Variants in ATF7IP observed in about 807,000 individuals in gnomAD.
ATF7IP encodes the protein activating transcription factor 7-interacting protein 1.
In ATF7IP, 23 loss-of-function variants were observed where a neutral mutation model predicts 106.4. That is an observed-to-expected ratio of 0.22 (90% CI 0.16 to 0.31). The LOEUF is 0.31. Among genes scored for constraint, ATF7IP ranks in the 10% least tolerant of loss-of-function variants. The pLI, the probability that ATF7IP is intolerant of heterozygous loss-of-function variation, is 1.00. For synonymous variants in ATF7IP, 542 were observed against 539.0 expected, an observed-to-expected ratio of 1.01 and a Z score of -0.08; for missense variants, 1,334 against 1,524.3, an observed-to-expected ratio of 0.88 and a Z score of 2.08.
chr12:14,391,635 T>C (rs1022521778), intron 1 of ATF7IP, among the ~76,000 whole-genome samples: 1 of 152,206 alleles, frequency 6.6e-6, no homozygotes, highest in Non-Finnish European at 1.5e-5. Flanking sequence ...TCATTAGTTA[T>C]AGGTTATATG....
Position 14,424,282 on chromosome 12 carries a change from T to G in ATF7IP, c.367T>G (p.Ser123Ala). 1.2e-6 allele frequency: 2 copies of G among 1,614,216 alleles called. No individual in the cohort carries two copies. Among genetic ancestry groups the G allele is most frequent in the Non-Finnish European group, 1.7e-6 (2 of 1,180,040 alleles). ...CCATAATATAACTCCAGAACCAGTC[T>G]CTAAACTGCCTGCTGAACCAGTTTC... is the stretch of plus-strand genomic sequence containing the variant. ...SPHNITPEPV[S>A]KLPAEPVSGD... Residue 123 changes from serine (S) to alanine (A), a missense_variant, in exon 2 of 15, where the codon TCT becomes GCT. This residue lies in a region of ATF7IP where 438 missense variants were observed against 405.3 expected (regional missense o/e 1.08). Coordinates refer to ENST00000261168, the MANE Select transcript of ATF7IP (RefSeq NM_018179.5).
chr12:14,432,599 C>G (rs921706302), intron 2 of ATF7IP, among the ~76,000 whole-genome samples: 1 of 152,148 alleles, frequency 6.6e-6, no homozygotes, highest in Non-Finnish European at 1.5e-5. Context: ...AAAAATACTT[C>G]TAGCGCCTTA....
chr12:14,372,360 C>A (rs142729509), intron 1 of ATF7IP, among the ~76,000 whole-genome samples: 1 of 151,156 alleles, frequency 6.6e-6, no homozygotes, highest in African/African-American at 2.4e-5. Context: ...ATCAGGGCTA[C>A]TAGTGCTTGT....
chr12:14,437,661 A>G (rs1942466602), intron 4 of ATF7IP, among the ~76,000 whole-genome samples: 1 of 152,210 alleles, frequency 6.6e-6, no homozygotes, highest in South Asian at 2.1e-4. Flanking sequence ...GATTTTATAT[A>G]TATAAAAGTA....
chr12:14,448,847 A>G (rs1943085398), intron 6 of ATF7IP, among the ~76,000 whole-genome samples: 1 of 152,138 alleles, frequency 6.6e-6, no homozygotes, highest in African/African-American at 2.4e-5. Flanking sequence ...GACCATCCTC[A>G]TGGATGTATG....
intron 1 of ATF7IP, among the ~76,000 whole-genome samples, chr12:14,402,897 C>T (rs1639180708): frequency 6.6e-6 from 1 of 152,098 alleles, no homozygotes; most frequent in Non-Finnish European, 1.5e-5. Flanking sequence ...AGCTCCTGGC[C>T]TGAATGTTTT....
In ATF7IP at chr12:14,499,105, C is replaced by G. The variant is rs1287905837; in HGVS notation, c.*1032C>G. ...AGGTGATCCACCCGCCTCGGCCTCC[C>G]AGAGTGCTGCGATTACAGTTGTGAG... On this transcript the variant is annotated 3_prime_UTR_variant, in exon 15 of 15. Coordinates refer to ENST00000261168, the MANE Select transcript of ATF7IP (RefSeq NM_018179.5). 1 of 152,242 alleles carries G rather than the reference C, an allele frequency of 6.6e-6. No homozygotes were observed. Among genetic ancestry groups the G allele is most frequent in the East Asian group, 1.9e-4 (1 of 5,194 alleles). 9.4% of individuals were successfully genotyped at this position (152,242 alleles called of 1,614,324 possible).
chr12:14,398,757 A>G (rs144811832), intron 1 of ATF7IP, among the ~76,000 whole-genome samples: 2,357 of 151,398 alleles, frequency 0.016, 24 homozygotes, highest in Non-Finnish European at 0.019. Flanking sequence ...TTTTTGTTCT[A>G]TTACTTGATT....
At chr12:14,492,951 C>T (rs970605312) in intron 13 of ATF7IP, among the ~76,000 whole-genome samples, 5 of 152,192 alleles carry the variant, frequency 3.3e-5, no homozygotes, top group African/African-American at 9.7e-5. Context: ...TCTGGACCCT[C>T]GCAGCTGGGA....
intron 1 of ATF7IP, chr12:14,385,330 C>G (rs572805016): frequency 8.7e-6 from 13 of 1,500,986 alleles, no homozygotes; most frequent in East Asian, 7.4e-5. Flanking sequence ...TGGCTGCTAA[C>G]CTAGTCTTTG....
chr12:14,400,880 T>C (rs963352774), intron 1 of ATF7IP, among the ~76,000 whole-genome samples: 1 of 152,228 alleles, frequency 6.6e-6, no homozygotes, highest in Admixed American at 6.5e-5. Flanking sequence ...TGTCTTTTTT[T>C]GATGATTAGG....
At position 14,424,142 on chromosome 12, in the gene ATF7IP, A is replaced by G. The variant is rs369829841; in HGVS notation, c.227A>G (p.Glu76Gly). The G allele has an allele frequency of 3.1e-5, 50 of 1,614,074 alleles. No individual in the cohort carries two copies. Among genetic ancestry groups the G allele is most frequent in the African/African-American group, 5.3e-5 (4 of 74,936 alleles). Residue 76 changes from glutamate to glycine, a missense_variant, in exon 2 of 15, where the codon GAG becomes GGG. Physicochemically the swap from Glu to Gly is moderately conservative, Grantham distance 98 (BLOSUM62 -2). Coordinates refer to ENST00000261168, the MANE Select transcript of ATF7IP (RefSeq NM_018179.5). ...KDKEEVNGIE[E>G]ICFDPEGSKA... ...AAGGAAGAGGTGAATGGCATTGAAGAGATTTGTTTTGATCCTGAAGGAAGT... is the reference window on the plus strand; with the variant it reads ...AAGGAAGAGGTGAATGGCATTGAAGGGATTTGTTTTGATCCTGAAGGAAGT...
rs184867904 is a variant in ATF7IP, at chr12:14,451,864, T to C, written c.1996-4697T>C. On this transcript the variant is annotated intron_variant, in intron 6 of 14. Transcript: ENST00000261168. ...ATCCAAGCTTATCCTATGTGTCTGT[T>C]AGGTCCAATTAGCATATAGTGTTGT... 5.4e-4 allele frequency among the ~76,000 whole-genome samples: 83 copies of C among 152,324 alleles called. No individual in the cohort carries two copies. The East Asian group carries it at 8.7e-3, about 16-fold the overall frequency.
Position 14,424,711 on chromosome 12 carries a change from T to C in ATF7IP, c.796T>C (p.Ser266Pro). 6.2e-7 allele frequency: 1 copy of C among 1,614,142 alleles called. No homozygotes were observed. Among genetic ancestry groups the C allele is most frequent in the South Asian group, 1.1e-5 (1 of 91,082 alleles). Residue 266 changes from serine to proline, a missense_variant, in exon 2 of 15, where the codon TCT (serine) becomes CCT (proline). By Grantham distance (74) the Ser-to-Pro change is moderately conservative. Transcript: ENST00000261168. Reference sequence around the variant, plus strand: ...TGATCTATCCTCTAGTGAACTGGCCTCTGATGATCTGGCCACTGGTGAACT... The same window carrying C: ...TGATCTATCCTCTAGTGAACTGGCCCCTGATGATCTGGCCACTGGTGAACT... ...SGDLSSSELASDDLATGELAS... is the reference protein window; with the variant it reads ...SGDLSSSELAPDDLATGELAS...
intron 1 of ATF7IP, among the ~76,000 whole-genome samples, chr12:14,404,577 C>T (rs142313335): frequency 2.0e-5 from 3 of 152,208 alleles, no homozygotes; most frequent in Non-Finnish European, 2.9e-5. Flanking sequence ...AATGATTTGC[C>T]TAAGATCTGT....
intron 1 of ATF7IP, among the ~76,000 whole-genome samples, chr12:14,413,961 C>G (rs563564252): frequency 1.7e-3 from 265 of 152,182 alleles, no homozygotes; most frequent in African/African-American, 6.3e-3. Context: ...GTCAGTATAG[C>G]TAAAACTTGA....
chr12:14,428,950 A>T (rs1024147826), intron 2 of ATF7IP, among the ~76,000 whole-genome samples: 2 of 152,198 alleles, frequency 1.3e-5, no homozygotes, highest in African/African-American at 4.8e-5. Flanking sequence ...TTAAAATGAT[A>T]ATCTGTTTAA....
intron 2 of ATF7IP, among the ~76,000 whole-genome samples, chr12:14,432,423 T>G (rs1942186424): frequency 6.6e-6 from 1 of 152,190 alleles, no homozygotes; most frequent in South Asian, 2.1e-4. Flanking sequence ...AGCAAACAAA[T>G]TTTTATTTCA....
At chr12:14,376,883 G>A (rs907002582) in intron 1 of ATF7IP, among the ~76,000 whole-genome samples, 7 of 151,944 alleles carry the variant, frequency 4.6e-5, no homozygotes, top group Non-Finnish European at 1.0e-4. Flanking sequence ...CCAAGATTGC[G>A]CCACTACACT....
Sources: gnomAD v4.1 joint callset for allele counts (sites outside exome capture counted in the v4.1 genomes callset) on GRCh38, gnomAD v4.1.1 for gene constraint, gnomAD v4.1.1 regional missense constraint, MANE v1.5 for transcripts, NCBI Gene and HGNC (gene_info 2026-07-23, HGNC 2026-07-21) for gene names.